The following KCNH1 variants were observed in gnomAD, a reference collection of about 807,000 sequenced individuals.
KCNH1 encodes voltage-gated delayed rectifier potassium channel KCNH1.
Under a neutral mutation model 69.2 loss-of-function variants are expected in KCNH1, and 27 were observed. That is an observed-to-expected ratio of 0.39 (90% CI 0.29 to 0.54). The LOEUF is 0.54. KCNH1 is among the 20% of genes least tolerant of loss of function. The pLI is 0.68. For missense variants in KCNH1, 798 were observed against 1,261.6 expected (o/e 0.63, Z 5.57); for synonymous variants, 456 against 487.7 (o/e 0.93, Z 0.86).
chr1:211,025,315 G>C (rs752399721), intron 5 of KCNH1, among the ~76,000 whole-genome samples: 18 of 152,264 alleles, frequency 1.2e-4, no homozygotes, highest in Non-Finnish European at 2.5e-4. Context: ...CCCTATGGTT[G>C]ACACCAGCCC....
Position 211,117,930 on chromosome 1 carries a change from A to G in KCNH1, c.80-10553T>C, listed in dbSNP as rs553921517. 3.9e-5 allele frequency among the ~76,000 whole-genome samples: 6 copies of G among 152,296 alleles called. No individual in the cohort carries two copies. The South Asian group carries it at 1.2e-3, about 32-fold the overall frequency. The stretch of plus-strand genomic sequence containing the variant: ...TAATCAAACCGGTCATGACCATGAA[A>G]TATCACTTCTCTAAATGCTGGACTC... On this transcript the variant is annotated intron_variant, in intron 1 of 10. Coordinates refer to ENST00000271751, the MANE Select transcript of KCNH1 (RefSeq NM_172362.3).
chr1:211,026,859 C>T (rs369796598), intron 5 of KCNH1, among the ~76,000 whole-genome samples: 3 of 152,288 alleles, frequency 2.0e-5, no homozygotes, highest in East Asian at 3.9e-4. Context: ...CTATCTCTAC[C>T]TGGCAGTAAC....
At chr1:210,918,742 A>G (rs1687399674) in intron 7 of KCNH1, among the ~76,000 whole-genome samples, 1 of 152,086 alleles carries the variant, frequency 6.6e-6, no homozygotes, top group African/African-American at 2.4e-5. Context: ...GAGTTGGAAA[A>G]TTTCCCATCA....
At chr1:210,820,597 A>T (rs1302206369) in intron 7 of KCNH1, among the ~76,000 whole-genome samples, 1 of 152,058 alleles carries the variant, frequency 6.6e-6, no homozygotes, top group African/African-American at 2.4e-5. Flanking sequence ...TCATGTCACT[A>T]CACTCCAGCC....
At chr1:210,940,315 C>T (rs1033762049) in intron 6 of KCNH1, among the ~76,000 whole-genome samples, 65 of 152,298 alleles carry the variant, frequency 4.3e-4, no homozygotes, top group African/African-American at 1.4e-3. Context: ...AAAACACAGC[C>T]TGTAAGCTGC....
At chr1:210,803,910 A>G in intron 8 of KCNH1, 57 bp downstream of exon 8, 1 of 1,506,688 alleles carries the variant, frequency 6.6e-7, no homozygotes, top group Non-Finnish European at 9.1e-7. Context: ...GCAAGCCTCA[A>G]CCCTCCTAGG....
intron 9 of KCNH1, among the ~76,000 whole-genome samples, chr1:210,777,026 A>C (rs1683873827): frequency 1.3e-5 from 2 of 152,192 alleles, no homozygotes; most frequent in South Asian, 4.1e-4. Context: ...GGAAGGAAAA[A>C]ATGCTACAAA....
At chr1:210,857,885 G>A (rs1037729967) in intron 7 of KCNH1, among the ~76,000 whole-genome samples, 9 of 152,114 alleles carry the variant, frequency 5.9e-5, no homozygotes, top group African/African-American at 2.2e-4. Flanking sequence ...TATCAATAGT[G>A]GTTTCTGGAG....
chr1:211,015,799 A>C (rs1025745414), intron 6 of KCNH1, among the ~76,000 whole-genome samples: 5 of 152,206 alleles, frequency 3.3e-5, no homozygotes, highest in Admixed American at 2.0e-4. Flanking sequence ...GGTGATACCA[A>C]GAGAACTAAA....
At chr1:211,091,266 C>G (rs1691046641) in intron 3 of KCNH1, among the ~76,000 whole-genome samples, 2 of 152,164 alleles carry the variant, frequency 1.3e-5, no homozygotes, top group South Asian at 4.1e-4. Flanking sequence ...ACTGCATCCT[C>G]TGCCTCCTGA....
At chr1:210,799,959 G>T (rs1342781662) in intron 8 of KCNH1, among the ~76,000 whole-genome samples, 2 of 152,208 alleles carry the variant, frequency 1.3e-5, no homozygotes, top group African/African-American at 4.8e-5. Flanking sequence ...TCCCCTCCAG[G>T]TGACACTTTT....
intron 10 of KCNH1, among the ~76,000 whole-genome samples, chr1:210,754,018 C>A (rs571726329): frequency 7.2e-5 from 11 of 151,936 alleles, no homozygotes; most frequent in Admixed American, 6.5e-4. Flanking sequence ...GGGTTCAGGC[C>A]GTTCTCCTGC....
chr1:211,029,541 G>A (rs961924254), intron 5 of KCNH1, among the ~76,000 whole-genome samples: 1 of 151,370 alleles, frequency 6.6e-6, no homozygotes, highest in African/African-American at 2.4e-5. Context: ...TAGAAATAGA[G>A]GAGAACTTCC....
intron 6 of KCNH1, among the ~76,000 whole-genome samples, chr1:210,926,620 C>T (rs1687580298): frequency 6.6e-6 from 1 of 152,032 alleles, no homozygotes; most frequent in Admixed American, 6.6e-5. Context: ...TGAGAAGGAA[C>T]CAGAAAAACA....
intron 5 of KCNH1, among the ~76,000 whole-genome samples, chr1:211,043,860 C>T (rs1690046817): frequency 6.6e-6 from 1 of 152,122 alleles, no homozygotes; most frequent in Admixed American, 6.5e-5. Context: ...TCTCAACAGA[C>T]ACAGAAAAAG....
chr1:210,812,914 T>C (rs953884031), intron 7 of KCNH1, among the ~76,000 whole-genome samples: 1 of 152,240 alleles, frequency 6.6e-6, no homozygotes, highest in African/African-American at 2.4e-5. Flanking sequence ...TATACTCTTC[T>C]GGGTTCAAAT....
At chr1:210,825,776 T>G (rs995205558) in intron 7 of KCNH1, among the ~76,000 whole-genome samples, 3 of 152,244 alleles carry the variant, frequency 2.0e-5, no homozygotes, top group African/African-American at 7.2e-5. Context: ...TTCTCTTTCT[T>G]ACAGATACCA....
intron 6 of KCNH1, among the ~76,000 whole-genome samples, chr1:210,956,071 C>T (rs1172416769): frequency 1.3e-5 from 2 of 152,062 alleles, no homozygotes; most frequent in Non-Finnish European, 2.9e-5. Flanking sequence ...TTTTGAGATA[C>T]GTCCCATCAG....
intron 7 of KCNH1, among the ~76,000 whole-genome samples, chr1:210,828,033 C>A (rs529654698): frequency 2.0e-5 from 3 of 151,990 alleles, no homozygotes; most frequent in Admixed American, 1.3e-4. Context: ...ATTAGAGATG[C>A]GGTTTCACCA....
Sources: allele counts gnomAD v4.1 joint callset (sites outside exome capture counted in the v4.1 genomes callset), GRCh38; gene constraint gnomAD v4.1.1; transcripts MANE v1.5; gene names NCBI Gene and HGNC (gene_info 2026-07-23, HGNC 2026-07-21).